The following ZNF790 variants were observed in gnomAD, a reference collection of about 807,000 sequenced individuals.
ZNF790 encodes the protein zinc finger protein 790.
ZNF790 carries 8 observed loss-of-function variants against 12.1 expected under a neutral mutation model. The ratio of observed to expected loss-of-function variants is 0.66; its 90% CI spans 0.39 to 1.19. The LOEUF is 1.19. ZNF790 is among the 50% of genes most tolerant of loss of function. ZNF790 has a pLI of 0.01. For missense variants in ZNF790, 707 were observed against 752.2 expected (o/e 0.94, Z 0.70); for synonymous variants, 252 against 244.3 (o/e 1.03, Z -0.29).
chr19:36,820,060 T>C lies in ZNF790; in HGVS notation c.284A>G (p.Glu95Gly). The change falls in exon 5 of 5, where the codon GAG becomes GGG. Residue 95 changes from glutamate (E) to glycine (G), a missense_variant. Glu to Gly is a moderately conservative substitution (Grantham distance 98, BLOSUM62 -2). Transcript: ENST00000356725. ...TATTTCCAATTGGGCTATTTCTCTC[T>C]CAAAAATGCCATTTTTTGGTAATAA... ...KKLLPKNGIF[E>G]REIAQLEIMR... is the part of the protein sequence containing the mutation. The C allele has an allele frequency of 6.2e-7, 1 of 1,611,010 alleles. No individual in the cohort carries two copies. The highest frequency in any genetic ancestry group is 8.5e-7 in the Non-Finnish European group (1 of 1,179,888).
intron 1 of ZNF790, chr19:36,827,885 T>C (rs545401168): frequency 1.3e-5 from 2 of 152,220 alleles, no homozygotes; most frequent in South Asian, 4.1e-4. Flanking sequence ...TAAAGTAAGG[T>C]TTAAAAATGT....
chr19:36,844,024 TA>T (rs34610511), intron 1 of ZNF790, among the ~76,000 whole-genome samples: 2,774 of 96,290 alleles, frequency 0.029, 101 homozygotes, highest in African/African-American at 0.089. Flanking sequence ...AAAAAAAAAT[TA>T]AAAAAAAAAA....
chr19:36,847,393 C>G (rs1036248594), intron 1 of ZNF790, among the ~76,000 whole-genome samples: 1 of 152,022 alleles, frequency 6.6e-6, no homozygotes, highest in African/African-American at 2.4e-5. Flanking sequence ...AACACTTGTT[C>G]TTTTGTCCTT....
At chr19:36,846,787 A>C (rs1240633794) in intron 1 of ZNF790, among the ~76,000 whole-genome samples, 1 of 152,066 alleles carries the variant, frequency 6.6e-6, no homozygotes, top group Non-Finnish European at 1.5e-5. Flanking sequence ...TATTAACTAT[A>C]TTTTCTTATT....
chr19:36,831,160 C>A (rs113671544), intron 1 of ZNF790, among the ~76,000 whole-genome samples: 6 of 124,170 alleles, frequency 4.8e-5, no homozygotes, highest in African/African-American at 6.2e-5. Context: ...ACAACAACAA[C>A]AAAAAACACA....
intron 1 of ZNF790, among the ~76,000 whole-genome samples, chr19:36,826,608 T>A (rs2071806625): frequency 1.3e-5 from 1 of 75,468 alleles, no homozygotes; most frequent in Admixed American, 1.2e-4. Context: ...ATATAGATAA[T>A]TTTATAATTA....
At chr19:36,849,135 C>T (rs1012354437) in intron 1 of ZNF790, among the ~76,000 whole-genome samples, 1 of 152,014 alleles carries the variant, frequency 6.6e-6, no homozygotes, top group Non-Finnish European at 1.5e-5. Flanking sequence ...GTATGCTGTT[C>T]AGGCTGGTCT....
At position 36,823,758 on chromosome 19, in the gene ZNF790, G is replaced by C. The variant is rs202180026; in HGVS notation, c.42C>G (p.Phe14Leu). The change falls in exon 3 of 5, where the codon TTC (phenylalanine) becomes TTG (leucine). Residue 14 changes from phenylalanine (F) to leucine (L), a missense_variant. Physicochemically the swap from Phe to Leu is conservative, Grantham distance 22. Coordinates refer to ENST00000356725, the MANE Select transcript of ZNF790 (RefSeq NM_206894.4). ...CCAGGCACTCCCACTCCTCCTGAGA[G>C]AAATCTACAGCCACATCCCTGAACA... ...LMMFRDVAVD[F>L]SQEEWECLDL... is the part of the protein sequence containing the mutation. 1 of 1,612,970 alleles carries C rather than the reference G, an allele frequency of 6.2e-7. No homozygotes were observed. The highest frequency in any genetic ancestry group is 8.5e-7 in the Non-Finnish European group (1 of 1,179,670).
rs1460818970 is a variant in ZNF790, at chr19:36,818,688, A to T, written c.1656T>A (p.His552Gln). The change falls in exon 5 of 5, where the codon CAT (histidine) becomes CAA (glutamine). Residue 552 changes from histidine to glutamine, a missense_variant. Transcript: ENST00000356725. ...GTTCTGCATCAGTATGAATTTTCTTATGTCGTGTAAGCTGTGAACCCCAGA... is the reference window on the plus strand; with the variant it reads ...GTTCTGCATCAGTATGAATTTTCTTTTGTCGTGTAAGCTGTGAACCCCAGA... ...SFIWGSQLTR[H>Q]KKIHTDAEPY... 6.2e-7 allele frequency: 1 copy of T among 1,613,680 alleles called. No individual in the cohort carries two copies. Among genetic ancestry groups the T allele is most frequent in the Admixed American group, 1.7e-5 (1 of 59,868 alleles).
At chr19:36,833,886 A>G (rs56148414) in intron 1 of ZNF790, among the ~76,000 whole-genome samples, 20,268 of 152,210 alleles carry the variant, frequency 0.13, 1,699 homozygotes, top group Non-Finnish European at 0.19. Context: ...ACAGAGTACA[A>G]ACCATAAAAG....
rs2071623741 is a variant in ZNF790 at position 36,819,703 on chromosome 19, A to G, written c.641T>C (p.Ile214Thr). Residue 214 changes from isoleucine to threonine, a missense_variant, in exon 5 of 5, where the codon ATT (isoleucine) becomes ACT (threonine). Ile to Thr is a moderately conservative substitution (Grantham distance 89). Coordinates refer to ENST00000356725, the MANE Select transcript of ZNF790 (RefSeq NM_206894.4). ...GNTFLPDSEV[I>T]QYQTVHTVKK... ...AACAGTGTGAACTGTCTGATATTGA[A>G]TAACTTCTGAATCAGGAAGAAAGGT... 1.9e-6 allele frequency: 3 copies of G among 1,613,652 alleles called. No homozygotes were observed. Among genetic ancestry groups the G allele is most frequent in the African/African-American group, 1.3e-5 (1 of 75,048 alleles).
Position 36,823,871 on chromosome 19 carries a change from C to T in ZNF790, c.10-81G>A, listed in dbSNP as rs2071732279. 6 of 1,357,012 alleles carry T rather than the reference C, an allele frequency of 4.4e-6. No individual in the cohort carries two copies. The South Asian group carries it at 7.7e-5, about 17-fold the overall frequency. The allele number at this position is 1,357,012 out of a possible 1,614,324, so 84.1% of individuals were successfully genotyped here. On this transcript the variant is annotated intron_variant, in intron 2 of 4. Coordinates refer to ENST00000356725, the MANE Select transcript of ZNF790 (RefSeq NM_206894.4). The stretch of plus-strand genomic sequence containing the variant: ...ATCCCTATAGATGAAAGGGGAAAGG[C>T]TGGAAAGGGGCACTGCAGGGAGTGG...
Position 36,825,827 on chromosome 19 carries a change from T to G in ZNF790, c.-73-135A>C, listed in dbSNP as rs2071784739. The G allele has an allele frequency of 4.8e-6, 3 of 619,084 alleles. No individual in the cohort carries two copies. In the Admixed American group the frequency reaches 8.7e-5, roughly 18 times the overall value. 38.3% of individuals were successfully genotyped at this position (619,084 alleles called of 1,614,324 possible). A position where few individuals can be genotyped will look rare whatever the true frequency, so the allele number is the denominator to read the frequency against. ...CTGGCCCTATCCAAAACCAGAGAGA[T>G]TCAACAAAAGCAGGATGAAGTTTCA... On this transcript the variant is annotated intron_variant, in intron 1 of 4. Transcript: ENST00000356725.
In ZNF790 at chr19:36,819,883, T is replaced by C. The variant is rs79779878; in HGVS notation, c.461A>G (p.His154Arg). The change falls in exon 5 of 5, where the codon CAT becomes CGT. Residue 154 changes from histidine (H) to arginine (R), a missense_variant. By Grantham distance (29) the His-to-Arg change is conservative. Transcript: ENST00000356725. ...TCTCTGGTGTAGATTAAACACTGTA[T>C]GCTGGTTAAAAGTGGGCCTTTTTTC... ...TCEKRPTFNQ[H>R]TVFNLHQRLN... 3.2e-4 allele frequency: 522 copies of C among 1,614,060 alleles called. 2 individuals carry two copies. In the African/African-American group the frequency reaches 5.6e-3, roughly 17 times the overall value.
At chr19:36,837,982 A>G (rs1208424603) in intron 1 of ZNF790, 2 of 152,262 alleles carry the variant, frequency 1.3e-5, no homozygotes, top group African/African-American at 4.8e-5. Flanking sequence ...AGCGGCTGCT[A>G]TCACCACCTT....
At chr19:36,824,383 T>C (rs1279808200) in intron 2 of ZNF790, among the ~76,000 whole-genome samples, 1 of 152,082 alleles carries the variant, frequency 6.6e-6, no homozygotes, top group Non-Finnish European at 1.5e-5. Flanking sequence ...CTCGACTCAC[T>C]GCAACCTCTG....
At position 36,819,477 on chromosome 19, in the gene ZNF790, C is replaced by T; in HGVS notation, c.867G>A (p.Lys289=). ...TAAGATCTGAGCCACAACTAAAGGCCTTCCCACATTCCTTACATTCATAAG... is the reference window on the plus strand; with the variant it reads ...TAAGATCTGAGCCACAACTAAAGGCTTTCCCACATTCCTTACATTCATAAG... ...EKSYECKECG[K]AFSCGSDLTR... is the part of the protein sequence containing the mutation. The change falls in exon 5 of 5, where the codon AAG becomes AAA. Residue 289 remains lysine, a synonymous_variant. Transcript: ENST00000356725. 1 of 1,610,482 alleles carries T rather than the reference C, an allele frequency of 6.2e-7. No individual in the cohort carries two copies. The highest frequency in any genetic ancestry group is 8.5e-7 in the Non-Finnish European group (1 of 1,177,918).
chr19:36,850,316 C>T (rs2146103261), upstream of ZNF790: 1 of 152,412 alleles, frequency 6.6e-6, no homozygotes, highest in South Asian at 2.1e-4. Flanking sequence ...AGTATGTCTC[C>T]CGAGGAGGGG....
upstream of ZNF790, among the ~76,000 whole-genome samples, chr19:36,841,624 A>T (rs145043990): frequency 0.011 from 1,588 of 150,022 alleles, 34 homozygotes; most frequent in African/African-American, 0.037. Flanking sequence ...CATCTCAAAA[A>T]ATATATATAT....
Sources: gnomAD v4.1 joint callset for allele counts (sites outside exome capture counted in the v4.1 genomes callset) on GRCh38, gnomAD v4.1.1 for gene constraint, MANE v1.5 for transcripts, NCBI Gene and HGNC (gene_info 2026-07-23, HGNC 2026-07-21) for gene names.